The following SLC9B2 variants were observed in gnomAD, a reference collection of about 807,000 sequenced individuals.
SLC9B2 encodes sodium/hydrogen exchanger 9B2.
SLC9B2 carries 39 observed loss-of-function variants against 52.2 expected under a neutral mutation model. That is an observed-to-expected ratio of 0.75 (90% CI 0.58 to 0.98). The LOEUF is 0.98. Among genes scored for constraint, SLC9B2 ranks in the 50% least tolerant of loss-of-function variants. The pLI, the probability that SLC9B2 is intolerant of heterozygous loss-of-function variation, is 0.00. For missense variants in SLC9B2, 626 were observed against 637.5 expected (o/e 0.98, Z 0.19); for synonymous variants, 214 against 227.0 (o/e 0.94, Z 0.51).
chr4:103,043,206 T>C, intron 9 of SLC9B2, 90 bp downstream of exon 9: 1 of 1,312,480 alleles, frequency 7.6e-7, no homozygotes, highest in South Asian at 1.7e-5. Context: ...TGAAATACTT[T>C]ATTAATTTGA....
chr4:103,048,365 G>C (rs1287981061), intron 6 of SLC9B2, among the ~76,000 whole-genome samples: 1 of 152,214 alleles, frequency 6.6e-6, no homozygotes, highest in Non-Finnish European at 1.5e-5. Flanking sequence ...TTTGAATCCA[G>C]GGAGTAGAGT....
intron 2 of SLC9B2, 83 bp from the exon 3 acceptor site, chr4:103,066,590 A>T: frequency 7.6e-7 from 1 of 1,318,396 alleles, no homozygotes. Flanking sequence ...CACCTTACAA[A>T]TCAAATTTCT....
intron 3 of SLC9B2, among the ~76,000 whole-genome samples, chr4:103,058,397 TTTTC>T (rs1313872444): frequency 1.4e-4 from 22 of 152,306 alleles, no homozygotes; most frequent in Middle Eastern, 3.4e-3. Flanking sequence ...CATCTCAAAC[TTTTC>T]TTTCTTTTTG....
downstream of SLC9B2, among the ~76,000 whole-genome samples, chr4:103,018,276 C>T (rs6816370): frequency 0.33 from 50,229 of 151,964 alleles, 8,298 homozygotes; most frequent in Middle Eastern, 0.41. Flanking sequence ...TGACAAGAGC[C>T]AACTGAAAAA....
rs989843958 is a variant in SLC9B2, at chr4:103,067,609, T to C, written c.-42-17A>G. On this transcript the variant is annotated splice_polypyrimidine_tract_variant and intron_variant, in intron 1 of 11. Transcript: ENST00000394785. The stretch of plus-strand genomic sequence containing the variant: ...GAACGAGATCTGTTTTGAAAGAGTA[T>C]AGATATAGAGCAGTAATTTGAAAGT... 3.1e-6 allele frequency: 4 copies of C among 1,281,962 alleles called. No individual in the cohort carries two copies. Among genetic ancestry groups the C allele is most frequent in the African/African-American group, 2.9e-5 (2 of 68,364 alleles). 79.4% of individuals were successfully genotyped at this position (1,281,962 alleles called of 1,614,324 possible). A position where few individuals can be genotyped will look rare whatever the true frequency, so the allele number is the denominator to read the frequency against.
chr4:103,032,801 T>C (rs1276537736), intron 9 of SLC9B2, among the ~76,000 whole-genome samples: 1 of 152,084 alleles, frequency 6.6e-6, no homozygotes, highest in African/African-American at 2.4e-5. Context: ...CTCCTGCAAA[T>C]TGGGAGGGTA....
At position 103,061,283 on chromosome 4, in the gene SLC9B2, G is replaced by A. The variant is rs1578475253; in HGVS notation, c.272-3312C>T. ...CCAAATGTCCAACAATGATAGACTG[G>A]ATTAAGAAAATGTGGCACATACACA... On this transcript the variant is annotated intron_variant, in intron 3 of 11. Coordinates refer to ENST00000394785, the MANE Select transcript of SLC9B2 (RefSeq NM_178833.7). 5.3e-5 allele frequency among the ~76,000 whole-genome samples: 8 copies of A among 152,188 alleles called. 2 individuals are homozygous for A. The highest frequency in any genetic ancestry group is 5.2e-4 in the Admixed American group (8 of 15,296).
rs556942792 is a variant in SLC9B2 at position 103,045,028 on chromosome 4, T to C, written c.890-32A>G. The C allele has an allele frequency of 5.0e-5, 70 of 1,389,674 alleles. No homozygotes were observed. In the South Asian group the frequency reaches 8.1e-4, roughly 16 times the overall value. The allele number at this position is 1,389,674 out of a possible 1,614,324, so 86.1% of individuals were successfully genotyped here. ...AATATATTAAAAAAACTTAGAGCTC[T>C]AAATCCAACAAATACACAGGTTTTA... On this transcript the variant is annotated intron_variant, in intron 7 of 11. Coordinates refer to ENST00000394785, the MANE Select transcript of SLC9B2 (RefSeq NM_178833.7).
intron 11 of SLC9B2, among the ~76,000 whole-genome samples, 162 bp from the exon 12 acceptor site, chr4:103,026,753 G>T (rs973456482): frequency 2.7e-4 from 41 of 151,946 alleles, no homozygotes; most frequent in African/African-American, 9.7e-4. Flanking sequence ...CGAGTTAATG[G>T]GTGCAGCACA....
intron 4 of SLC9B2, among the ~76,000 whole-genome samples, chr4:103,056,621 T>C (rs1186520157): frequency 6.6e-6 from 1 of 152,226 alleles, no homozygotes; most frequent in African/African-American, 2.4e-5. Context: ...AAAGTATGCA[T>C]TTTATATAGG....
chr4:103,070,530 G>A (rs755900781), intron 1 of SLC9B2, among the ~76,000 whole-genome samples: 3 of 151,970 alleles, frequency 2.0e-5, no homozygotes, highest in South Asian at 2.1e-4. Flanking sequence ...AACCTCCGCC[G>A]CCTGGGTTCA....
At chr4:103,049,125 T>C in intron 5 of SLC9B2, 105 bp from the exon 6 acceptor site, 1 of 1,338,490 alleles carries the variant, frequency 7.5e-7, no homozygotes, top group Non-Finnish European at 1.0e-6. Context: ...TGGGTCATCA[T>C]GAGTTTTCAA....
intron 4 of SLC9B2, among the ~76,000 whole-genome samples, chr4:103,056,616 A>G (rs1388468299): frequency 6.6e-6 from 1 of 152,256 alleles, no homozygotes; most frequent in Admixed American, 6.5e-5. Context: ...CCAAAAAAGT[A>G]TGCATTTTAT....
downstream of SLC9B2, among the ~76,000 whole-genome samples, chr4:103,021,886 C>T (rs1482190607): frequency 6.6e-6 from 1 of 152,212 alleles, no homozygotes; most frequent in Non-Finnish European, 1.5e-5. Context: ...CTTCACCTTA[C>T]TCCCTAATAT....
downstream of SLC9B2, among the ~76,000 whole-genome samples, chr4:103,020,687 T>C (rs1005021016): frequency 6.6e-6 from 1 of 152,180 alleles, no homozygotes; most frequent in Non-Finnish European, 1.5e-5. Context: ...TTACCCCGGC[T>C]GGAGTGCAGT....
chr4:103,073,286 G>T (rs1236579492), intron 1 of SLC9B2, among the ~76,000 whole-genome samples: 1 of 152,150 alleles, frequency 6.6e-6, no homozygotes, highest in Non-Finnish European at 1.5e-5. Flanking sequence ...ACTCTATAAT[G>T]ATAATAATAA....
chr4:103,032,532 T>A (rs1472386101), intron 9 of SLC9B2, among the ~76,000 whole-genome samples: 1 of 152,040 alleles, frequency 6.6e-6, no homozygotes, highest in Non-Finnish European at 1.5e-5. Flanking sequence ...GTCAGTAGAG[T>A]GTGCTAAAGA....
rs10715507 is a variant in SLC9B2, at chr4:103,060,541, G to GT, written c.272-2571dup. 3.4e-3 allele frequency among the ~76,000 whole-genome samples: 393 copies of GT among 116,560 alleles called. 3 individuals are homozygous for GT. The highest frequency in any genetic ancestry group is 9.7e-3 in the South Asian group (35 of 3,596). The allele number at this position is 116,560 out of a possible 152,430, so 76.5% of individuals were successfully genotyped here. ...TTCCTTTTGCATGTTTTTTTTGTTT[G>GT]TTTTTTTTTTTTTTTTAGTTTTTTT... is the stretch of plus-strand genomic sequence containing the variant. On this transcript the variant is annotated intron_variant, in intron 3 of 11. Coordinates refer to ENST00000394785, the MANE Select transcript of SLC9B2 (RefSeq NM_178833.7).
chr4:103,043,602 T>C (rs1026555301), intron 8 of SLC9B2, among the ~76,000 whole-genome samples, 157 bp from the exon 9 acceptor site: 2 of 152,236 alleles, frequency 1.3e-5, no homozygotes, highest in Non-Finnish European at 2.9e-5. Flanking sequence ...CTTTCTCTTC[T>C]TAAACAAAAG....
Sources: allele counts gnomAD v4.1 joint callset (sites outside exome capture counted in the v4.1 genomes callset), GRCh38; gene constraint gnomAD v4.1.1; transcripts MANE v1.5; gene names NCBI Gene and HGNC (gene_info 2026-07-23, HGNC 2026-07-21).